CIB1: variants seen among roughly 807,000 people sequenced by gnomAD.
The protein encoded by CIB1 is calcium and integrin-binding protein 1.
In CIB1, 19 loss-of-function variants were observed where a neutral mutation model predicts 25.0. That is an observed-to-expected ratio of 0.76 (90% CI 0.53 to 1.12). CIB1 has a LOEUF of 1.12. CIB1 is among the 50% of genes most tolerant of loss of function. The probability of loss-of-function intolerance (pLI) is 0.00; values close to 1 mark genes in which losing one functional copy is unlikely to be tolerated. For missense variants in CIB1, 236 were observed against 242.6 expected (o/e 0.97, Z 0.18); for synonymous variants, 104 against 98.5 (o/e 1.06, Z -0.33).
At chr15:90,240,930 A>G in the CIB1 span, 2 of 1,613,758 alleles carry the variant, frequency 1.2e-6, no homozygotes, top group Non-Finnish European at 1.7e-6. Context: ...ACATGATTCA[A>G]ACGAAACTTC....
chr15:90,265,553 G>T, the CIB1 span: 2 of 1,386,164 alleles, frequency 1.4e-6, no homozygotes, highest in Non-Finnish European at 1.9e-6. Context: ...AGAAAGGGTG[G>T]GCCACTGAGC....
the CIB1 span, chr15:90,250,554 C>T: frequency 1.3e-6 from 2 of 1,518,634 alleles, no homozygotes; most frequent in Non-Finnish European, 1.8e-6. Flanking sequence ...TTCCTTCAGG[C>T]CTTCTAGGGC....
chr15:90,230,436 G>A lies in CIB1; in HGVS notation c.*48C>T, dbSNP rs993936791. 2 of 1,549,352 alleles carry A rather than the reference G, an allele frequency of 1.3e-6. No individual in the cohort carries two copies. Among genetic ancestry groups the A allele is most frequent in the Admixed American group, 2.0e-5 (1 of 50,998 alleles). Reference sequence around the variant, plus strand: ...GCTTGACCTTGGCCACAGCTCAGCAGTAGAAAGGTTCTTGGACAGGGTGCC... The same window carrying A: ...GCTTGACCTTGGCCACAGCTCAGCAATAGAAAGGTTCTTGGACAGGGTGCC... On this transcript the variant is annotated 3_prime_UTR_variant, in exon 7 of 7. Transcript: ENST00000328649.
At chr15:90,243,175 CTTTGCTCACCACTTAT>C in the CIB1 span, 2 of 152,190 alleles carry the variant, frequency 1.3e-5, no homozygotes, top group African/African-American at 4.8e-5. Context: ...GTTTATTCCC[CTTTGCTCACCACTTAT>C]TTTTATTGCT....
chr15:90,256,553 C>G, the CIB1 span, among the ~76,000 whole-genome samples: 1 of 77,174 alleles, frequency 1.3e-5, no homozygotes, highest in Non-Finnish European at 2.7e-5. Flanking sequence ...CTTTTTCTTT[C>G]TTTCTTTCTT....
chr15:90,236,362 ATGAGAGTCAGCTT>A (rs1329080923), upstream of CIB1, among the ~76,000 whole-genome samples: 3 of 152,176 alleles, frequency 2.0e-5, no homozygotes, highest in African/African-American at 7.2e-5. Flanking sequence ...TAGTGAAGAC[ATGAGAGTCAGCTT>A]TGTGCCTGGT....
the CIB1 span, chr15:90,257,418 G>A: frequency 3.8e-6 from 5 of 1,317,584 alleles, no homozygotes; most frequent in African/African-American, 1.5e-5. Context: ...ATCTAGCTGG[G>A]AGGCAAGTGT....
the CIB1 span, among the ~76,000 whole-genome samples, chr15:90,260,837 C>A: frequency 1.5e-5 from 2 of 129,988 alleles, no homozygotes; most frequent in African/African-American, 6.0e-5. Context: ...GGCGATAGAG[C>A]AGGACTCTGT....
the CIB1 span, chr15:90,263,397 T>C: frequency 1.6e-5 from 8 of 505,096 alleles, no homozygotes; most frequent in African/African-American, 5.8e-5. Context: ...GGAAACTTGC[T>C]CTCTATATTC....
intron 3 of CIB1, among the ~76,000 whole-genome samples, chr15:90,231,876 C>T (rs1028214261): frequency 6.6e-6 from 1 of 152,226 alleles, no homozygotes; most frequent in Non-Finnish European, 1.5e-5. Flanking sequence ...CGGGCCAGGC[C>T]CTTTGCACAG....
the CIB1 span, chr15:90,262,872 A>G: frequency 7.4e-7 from 1 of 1,353,254 alleles, no homozygotes; most frequent in African/African-American, 1.5e-5. Context: ...GGAAGGGATG[A>G]GGGTAGAGTG....
At chr15:90,250,500 GCA>G in the CIB1 span, 1 of 1,141,356 alleles carries the variant, frequency 8.8e-7, no homozygotes. Context: ...TCCTGAAGGG[GCA>G]GCAACTTTCC....
the CIB1 span, among the ~76,000 whole-genome samples, chr15:90,252,808 G>T: frequency 6.6e-6 from 1 of 152,072 alleles, no homozygotes; most frequent in African/African-American, 2.4e-5. Context: ...TTCGAGACCA[G>T]ACTGGCCAAC....
the CIB1 span, chr15:90,251,581 C>T: frequency 1.9e-6 from 3 of 1,613,846 alleles, no homozygotes; most frequent in Admixed American, 1.7e-5. Flanking sequence ...TGACCAACTG[C>T]AAGTATGAGA....
At chr15:90,259,276 G>C in the CIB1 span, among the ~76,000 whole-genome samples, 4 of 151,950 alleles carry the variant, frequency 2.6e-5, no homozygotes, top group Non-Finnish European at 5.9e-5. Flanking sequence ...TGTATTCCCA[G>C]CTACTCAGGA....
chr15:90,230,800 G>T, intron 6 of CIB1, 134 bp downstream of exon 6: 1 of 859,590 alleles, frequency 1.2e-6, no homozygotes, highest in Non-Finnish European at 1.9e-6. Flanking sequence ...GAGACTGCCA[G>T]CTTAGCCGGC....
chr15:90,250,153 T>A, the CIB1 span, among the ~76,000 whole-genome samples: 6 of 151,952 alleles, frequency 3.9e-5, 1 homozygote, highest in African/African-American at 1.4e-4. Flanking sequence ...GAGACGGGAT[T>A]TCACCGTGCT....
At chr15:90,234,586 T>A (rs1880001216), upstream of CIB1, 1 of 152,140 alleles carries the variant, frequency 6.6e-6, no homozygotes. Context: ...TGTTGCAACA[T>A]CCCTTGCGAG....
Position 90,231,116 on chromosome 15 carries a change from C to T in CIB1, c.444G>A (p.Glu148=), listed in dbSNP as rs34645714. Reference sequence around the variant, plus strand: ...TCACGTTGTCGATGAGCTGCTTCATCTCAGACGCACTAAGCCGTGTGTCCT... The same window carrying T: ...TCACGTTGTCGATGAGCTGCTTCATTTCAGACGCACTAAGCCGTGTGTCCT... ...EGEDTRLSAS[E]MKQLIDNILE... is the part of the protein sequence containing the mutation. Residue 148 remains glutamate, a synonymous_variant, in exon 5 of 7, where the codon GAG becomes GAA. Coordinates refer to ENST00000328649, the MANE Select transcript of CIB1 (RefSeq NM_006384.4). 7.5e-4 allele frequency: 1,208 copies of T among 1,614,230 alleles called. 5 individuals carry two copies. In the African/African-American group the frequency reaches 0.013, roughly 17 times the overall value.
Sources: allele counts gnomAD v4.1 joint callset (sites outside exome capture counted in the v4.1 genomes callset), GRCh38; gene constraint gnomAD v4.1.1; transcripts MANE v1.5; gene names NCBI Gene and HGNC (gene_info 2026-07-23, HGNC 2026-07-21).